The following CCDC85A variants were observed in gnomAD, a reference collection of about 807,000 sequenced individuals.
The protein encoded by CCDC85A is coiled-coil domain containing 85A, also known as coiled-coil domain-containing protein 85A.
Under a neutral mutation model 50.2 loss-of-function variants are expected in CCDC85A, and 38 were observed. The ratio of observed to expected loss-of-function variants is 0.76; its 90% confidence interval spans 0.58 to 0.99. The LOEUF (loss-of-function observed/expected upper bound fraction) is 0.99, where lower values mean the gene tolerates loss of function less well. Among genes scored for constraint, CCDC85A ranks in the 50% least tolerant of loss-of-function variants. The probability of loss-of-function intolerance (pLI) is 0.00; values close to 1 mark genes in which losing one functional copy is unlikely to be tolerated. For missense variants in CCDC85A, 820 were observed against 742.0 expected, an observed-to-expected ratio of 1.11 and a Z score of -1.22; for synonymous variants, 366 against 301.4, an observed-to-expected ratio of 1.21 and a Z score of -2.22.
intron 2 of CCDC85A, among the ~76,000 whole-genome samples, chr2:56,294,519 T>C (rs1047590844): frequency 1.2e-4 from 19 of 152,354 alleles, no homozygotes; most frequent in African/African-American, 4.3e-4. Flanking sequence ...GCCAGTGTTA[T>C]GCACTCACTG....
intron 3 of CCDC85A, among the ~76,000 whole-genome samples, chr2:56,364,146 C>CT (rs1303142099): frequency 6.6e-6 from 1 of 151,998 alleles, no homozygotes; most frequent in Non-Finnish European, 1.5e-5. Context: ...GCCTCTTTTT[C>CT]TTTTTTTCAA....
chr2:56,203,289 A>T (rs573694896), intron 2 of CCDC85A, among the ~76,000 whole-genome samples: 5 of 152,150 alleles, frequency 3.3e-5, no homozygotes. Context: ...TAGCTCCCCC[A>T]GTATAGTGAC....
chr2:56,301,261 T>C (rs1672189371), intron 2 of CCDC85A, among the ~76,000 whole-genome samples: 1 of 152,272 alleles, frequency 6.6e-6, no homozygotes, highest in South Asian at 2.1e-4. Flanking sequence ...TGTGTGTAAA[T>C]GTGTGGTGTG....
At chr2:56,213,349 T>A (rs1677257963) in intron 2 of CCDC85A, among the ~76,000 whole-genome samples, 1 of 151,940 alleles carries the variant, frequency 6.6e-6, no homozygotes, top group Non-Finnish European at 1.5e-5. Context: ...GGTCAATACC[T>A]CAAATTAATC....
At chr2:56,187,837 C>T (rs1346227173) in intron 1 of CCDC85A, among the ~76,000 whole-genome samples, 1 of 152,134 alleles carries the variant, frequency 6.6e-6, no homozygotes, top group Non-Finnish European at 1.5e-5. Context: ...GACTGCTGAG[C>T]ATATACCAAC....
chr2:56,196,100 A>T (rs181130169), intron 2 of CCDC85A, among the ~76,000 whole-genome samples: 33 of 152,336 alleles, frequency 2.2e-4, no homozygotes, highest in Non-Finnish European at 8.8e-5. Context: ...TCTTTTGGGA[A>T]TGCAAAGATA....
chr2:56,251,146 T>C (rs1299714467), intron 2 of CCDC85A, among the ~76,000 whole-genome samples: 1 of 152,180 alleles, frequency 6.6e-6, no homozygotes, highest in Non-Finnish European at 1.5e-5. Context: ...ACTGCAACAA[T>C]GTGTTGGTGA....
rs777633344 is a variant in CCDC85A, at chr2:56,192,431, A to G, written c.277-46A>G. On this transcript the variant is annotated intron_variant, in intron 1 of 5. Coordinates refer to ENST00000407595, the MANE Select transcript of CCDC85A (RefSeq NM_001080433.2). This position sits in a 1 kb window ranked among gnomAD's most constrained non-coding sequence, Gnocchi z 4.7. ...TTCCAGGAAGTCTGAGCCTGCTGAC[A>G]CCTCAGATGTGTACTTCCCTTGAAT... 6.5e-7 allele frequency: 1 copy of G among 1,543,432 alleles called. No homozygotes were observed. Among genetic ancestry groups the G allele is most frequent in the Non-Finnish European group, 8.7e-7 (1 of 1,145,180 alleles).
intron 2 of CCDC85A, among the ~76,000 whole-genome samples, chr2:56,281,239 G>T (rs527322400): frequency 1.4e-4 from 22 of 152,222 alleles, no homozygotes; most frequent in African/African-American, 5.3e-4. Context: ...ATGGTTTTGA[G>T]ATTAAGCCAT....
intron 4 of CCDC85A, among the ~76,000 whole-genome samples, chr2:56,374,303 A>G (rs1441470719): frequency 6.6e-6 from 1 of 152,162 alleles, no homozygotes; most frequent in African/African-American, 2.4e-5. Context: ...TCAGTAGGCT[A>G]GTGAGGTGGC....
intron 2 of CCDC85A, among the ~76,000 whole-genome samples, chr2:56,288,061 C>A (rs1181873044): frequency 2.0e-5 from 3 of 152,146 alleles, no homozygotes; most frequent in Non-Finnish European, 4.4e-5. Context: ...AGCTTCACCC[C>A]TGAACCCATA....
chr2:56,299,254 T>C lies in CCDC85A; in HGVS notation c.1241-43625T>C, dbSNP rs559354693. ...AACTACGATAACTGCAGCAATATTCTTGGGTAGCTTGTTTTCAGGACATCT... is the reference window on the plus strand; with the variant it reads ...AACTACGATAACTGCAGCAATATTCCTGGGTAGCTTGTTTTCAGGACATCT... On this transcript the variant is annotated intron_variant, in intron 2 of 5. Coordinates refer to ENST00000407595, the MANE Select transcript of CCDC85A (RefSeq NM_001080433.2). 2.6e-5 allele frequency among the ~76,000 whole-genome samples: 4 copies of C among 152,254 alleles called. No homozygotes were observed. The East Asian group carries it at 7.7e-4, about 29-fold the overall frequency.
At chr2:56,213,111 A>G (rs1232716565) in intron 2 of CCDC85A, among the ~76,000 whole-genome samples, 1 of 152,040 alleles carries the variant, frequency 6.6e-6, no homozygotes, top group Non-Finnish European at 1.5e-5. Flanking sequence ...GAGATATAAT[A>G]TCCCAGAATC....
chr2:56,379,796 A>G, intron 5 of CCDC85A: 1 of 985,058 alleles, frequency 1.0e-6, no homozygotes, highest in Non-Finnish European at 1.2e-6. Context: ...GGTAAAGAGT[A>G]TGAACATGAC....
intron 3 of CCDC85A, among the ~76,000 whole-genome samples, chr2:56,370,262 T>G (rs1300548423): frequency 6.6e-6 from 1 of 152,158 alleles, no homozygotes; most frequent in African/African-American, 2.4e-5. Context: ...TTTATGAAAC[T>G]GTCTTCAGCA....
At position 56,341,204 on chromosome 2, in the gene CCDC85A, A is replaced by G. The variant is rs149247939; in HGVS notation, c.1241-1675A>G. ...ATTTCCAGAGGAAGATCATATACCA[A>G]TTAAACTGCTATTTTTCCTCTTAGT... On this transcript the variant is annotated intron_variant, in intron 2 of 5. Transcript: ENST00000407595. 6.5e-3 allele frequency among the ~76,000 whole-genome samples: 984 copies of G among 152,286 alleles called. 7 individuals carry two copies. The highest frequency in any genetic ancestry group is 0.024 in the Middle Eastern group (7 of 294).
intron 2 of CCDC85A, among the ~76,000 whole-genome samples, chr2:56,210,165 C>T (rs1302486544): frequency 1.3e-5 from 2 of 152,116 alleles, no homozygotes; most frequent in Non-Finnish European, 2.9e-5. Context: ...TGTGAAGGCA[C>T]ATATCTGCCT....
At chr2:56,342,362 C>G (rs1030353760) in intron 2 of CCDC85A, among the ~76,000 whole-genome samples, 2 of 152,092 alleles carry the variant, frequency 1.3e-5, no homozygotes, top group African/African-American at 4.8e-5. Flanking sequence ...TGAAATGTCT[C>G]AATTCTTAGT....
intron 2 of CCDC85A, among the ~76,000 whole-genome samples, chr2:56,212,627 T>C (rs953491412): frequency 1.3e-5 from 2 of 152,042 alleles, no homozygotes; most frequent in African/African-American, 4.8e-5. Context: ...AAGTAGAAAG[T>C]CTTAAATACA....
Sources: allele counts gnomAD v4.1 joint callset (sites outside exome capture counted in the v4.1 genomes callset), GRCh38; gene constraint gnomAD v4.1.1; non-coding constraint Gnocchi (gnomAD v3.1); transcripts MANE v1.5; gene names NCBI Gene and HGNC (gene_info 2026-07-23, HGNC 2026-07-21).